Variants in ADCY2 observed in about 807,000 individuals in gnomAD.
ADCY2 encodes adenylate cyclase type 2.
ADCY2 carries 31 observed loss-of-function variants against 125.2 expected under a neutral mutation model. That is an observed-to-expected ratio of 0.25 (90% CI 0.19 to 0.33). The LOEUF (loss-of-function observed/expected upper bound fraction) is 0.33, where lower values mean the gene tolerates loss of function less well. Among genes scored for constraint, ADCY2 ranks in the 10% least tolerant of loss-of-function variants. ADCY2 has a pLI of 1.00. For missense variants in ADCY2, 904 were observed against 1,418.2 expected (o/e 0.64, Z 5.82); for synonymous variants, 512 against 548.4 (o/e 0.93, Z 0.93).
At chr5:7,472,950 T>G (rs1475089676) in intron 2 of ADCY2, among the ~76,000 whole-genome samples, 1 of 152,078 alleles carries the variant, frequency 6.6e-6, no homozygotes, top group Non-Finnish European at 1.5e-5. Flanking sequence ...CTGCTCCTAC[T>G]TGTTACTCAG....
intron 3 of ADCY2, among the ~76,000 whole-genome samples, chr5:7,557,178 CATATT>C (rs1561092482): frequency 2.5e-5 from 2 of 81,266 alleles, no homozygotes; most frequent in African/African-American, 7.2e-5. Flanking sequence ...AATAATCACA[CATATT>C]ATATATGTGA....
At chr5:7,476,117 TAA>T (rs1460257394) in intron 2 of ADCY2, among the ~76,000 whole-genome samples, 1 of 152,130 alleles carries the variant, frequency 6.6e-6, no homozygotes, top group Non-Finnish European at 1.5e-5. Context: ...CCAGGAACTT[TAA>T]AAGTACTTCT....
intron 3 of ADCY2, among the ~76,000 whole-genome samples, chr5:7,617,416 A>C (rs1737803902): frequency 6.6e-6 from 1 of 152,192 alleles, no homozygotes; most frequent in Admixed American, 6.5e-5. Context: ...AGCCTTCAGA[A>C]ATGTGAGGAA....
chr5:7,665,426 C>T (rs6886921), intron 4 of ADCY2, among the ~76,000 whole-genome samples: 50,495 of 151,992 alleles, frequency 0.33, 8,849 homozygotes, highest in East Asian at 0.64. Context: ...ACGCACCCCA[C>T]TCTTGCACCA....
chr5:7,727,175 G>A lies in ADCY2; in HGVS notation c.1785G>A (p.Thr595=), dbSNP rs752991479. ...NKVLEKEYRA[T]ALPAFKYYVT... Reference sequence around the variant, plus strand: ...TTTCTCCCCCTCAGTACCGGGCCACGGCACTGCCAGCGTTCAAGTATTATG... The same window carrying A: ...TTTCTCCCCCTCAGTACCGGGCCACAGCACTGCCAGCGTTCAAGTATTATG... The change falls in exon 14 of 25, where the codon ACG becomes ACA. Residue 595 remains threonine (T), a synonymous_variant. Coordinates refer to ENST00000338316, the MANE Select transcript of ADCY2 (RefSeq NM_020546.3). The A allele has an allele frequency of 7.4e-6, 12 of 1,613,834 alleles. No homozygotes were observed. The East Asian group carries it at 1.3e-4, about 18-fold the overall frequency.
intron 4 of ADCY2, 64 bp from the exon 5 acceptor site, chr5:7,690,627 T>G: frequency 7.3e-7 from 1 of 1,369,404 alleles, no homozygotes; most frequent in Non-Finnish European, 9.5e-7. Flanking sequence ...GGATCTCCAA[T>G]GTTATTTGGT....
At chr5:7,574,492 G>A (rs1332790006) in intron 3 of ADCY2, among the ~76,000 whole-genome samples, 3 of 152,152 alleles carry the variant, frequency 2.0e-5, no homozygotes, top group South Asian at 2.1e-4. Flanking sequence ...CAAACCCATG[G>A]CAATGGGCAT....
chr5:7,768,701 A>G (rs1286636942), intron 17 of ADCY2, among the ~76,000 whole-genome samples: 1 of 152,220 alleles, frequency 6.6e-6, no homozygotes, highest in Non-Finnish European at 1.5e-5. Flanking sequence ...AAAAACTTAA[A>G]GTGGGGAAAG....
intron 2 of ADCY2, among the ~76,000 whole-genome samples, chr5:7,447,795 C>T (rs573815272): frequency 5.9e-5 from 9 of 152,302 alleles, no homozygotes; most frequent in South Asian, 2.1e-4. Flanking sequence ...GAATTTCTTG[C>T]ACTCACAGTT....
At chr5:7,585,769 G>A (rs1579600468) in intron 3 of ADCY2, among the ~76,000 whole-genome samples, 1 of 152,116 alleles carries the variant, frequency 6.6e-6, no homozygotes, top group Non-Finnish European at 1.5e-5. Context: ...TGTCTTTCGG[G>A]ATTAGTATCC....
chr5:7,627,433 G>A (rs746244154), intron 4 of ADCY2, among the ~76,000 whole-genome samples: 55 of 152,216 alleles, frequency 3.6e-4, no homozygotes, highest in Non-Finnish European at 5.3e-4. Flanking sequence ...CACTCCGGGT[G>A]ATGGCAGATA....
chr5:7,531,914 C>G (rs890607303), intron 3 of ADCY2, among the ~76,000 whole-genome samples: 3 of 152,188 alleles, frequency 2.0e-5, no homozygotes, highest in Non-Finnish European at 2.9e-5. Context: ...TTGGACTGCA[C>G]TTGTACTTCT....
intron 21 of ADCY2, among the ~76,000 whole-genome samples, chr5:7,803,114 G>A (rs77318830): frequency 0.016 from 2,407 of 152,238 alleles, 66 homozygotes; most frequent in African/African-American, 0.055. Context: ...TGCACTTTCT[G>A]TCACCACCAT....
chr5:7,467,166 A>T (rs905817452), intron 2 of ADCY2, among the ~76,000 whole-genome samples: 2 of 152,184 alleles, frequency 1.3e-5, no homozygotes, highest in Non-Finnish European at 2.9e-5. Context: ...CAGGCTGCTA[A>T]CCCAGATAGT....
chr5:7,779,082 C>T (rs142498666), intron 18 of ADCY2, among the ~76,000 whole-genome samples: 293 of 152,316 alleles, frequency 1.9e-3, no homozygotes, highest in African/African-American at 6.8e-3. Flanking sequence ...AGGAGCACAG[C>T]ATGCTTTTCT....
chr5:7,509,933 A>G (rs749159931), intron 2 of ADCY2, among the ~76,000 whole-genome samples: 24 of 152,194 alleles, frequency 1.6e-4, no homozygotes, highest in Non-Finnish European at 3.1e-4. Context: ...TCTACTTAAG[A>G]TGGTCAGGTA....
At chr5:7,502,170 G>T (rs1229516511) in intron 2 of ADCY2, among the ~76,000 whole-genome samples, 1 of 152,122 alleles carries the variant, frequency 6.6e-6, no homozygotes, top group Non-Finnish European at 1.5e-5. Context: ...GAGAAAAAAG[G>T]ATGTGATCCC....
intron 20 of ADCY2, among the ~76,000 whole-genome samples, chr5:7,792,225 A>G (rs1433047551): frequency 1.1e-5 from 1 of 93,382 alleles, no homozygotes; most frequent in Non-Finnish European, 2.4e-5. Context: ...TACAAAAAAA[A>G]AAAAAAAAAA....
intron 17 of ADCY2, among the ~76,000 whole-genome samples, chr5:7,768,043 A>AC (rs1743446029): frequency 6.6e-6 from 1 of 151,260 alleles, no homozygotes; most frequent in Admixed American, 6.6e-5. Context: ...AAAGAAAAAA[A>AC]AAAAGAAGTG....
Sources: allele counts gnomAD v4.1 joint callset (sites outside exome capture counted in the v4.1 genomes callset), GRCh38; gene constraint gnomAD v4.1.1; transcripts MANE v1.5; gene names NCBI Gene and HGNC (gene_info 2026-07-23, HGNC 2026-07-21).